The following ADGRL3 variants were observed in gnomAD, a reference collection of about 807,000 sequenced individuals.
ADGRL3 encodes the protein adhesion G protein-coupled receptor L3, also known as calcium-independent alpha-latrotoxin receptor 3.
Under a neutral mutation model 153.5 loss-of-function variants are expected in ADGRL3, and 62 were observed. The ratio of observed to expected loss-of-function variants is 0.40; its 90% CI spans 0.33 to 0.50. ADGRL3 has a LOEUF of 0.50. ADGRL3 is among the 20% of genes least tolerant of loss of function. The pLI is 0.47. For synonymous variants in ADGRL3, 710 were observed against 672.5 expected, an observed-to-expected ratio of 1.06 and a Z score of -0.86; for missense variants, 1,641 against 1,859.4, an observed-to-expected ratio of 0.88 and a Z score of 2.16.
intron 18 of ADGRL3, among the ~76,000 whole-genome samples, chr4:61,982,245 A>T (rs916727332): frequency 1.6e-4 from 25 of 152,356 alleles, no homozygotes; most frequent in African/African-American, 6.0e-4. Context: ...CTAACAAGTA[A>T]TATAAAGAAC....
intron 5 of ADGRL3, among the ~76,000 whole-genome samples, chr4:61,598,845 TTTGA>T (rs748148297): frequency 9.2e-5 from 14 of 152,182 alleles, no homozygotes; most frequent in Admixed American, 2.6e-4. Flanking sequence ...AAAATTTTCT[TTTGA>T]TTTTGTCAGG....
chr4:61,437,635 A>G (rs1048956372), intron 2 of ADGRL3, among the ~76,000 whole-genome samples: 2 of 152,192 alleles, frequency 1.3e-5, no homozygotes, highest in African/African-American at 4.8e-5. Context: ...TCTTCTTTAT[A>G]AAATATCATT....
intron 9 of ADGRL3, among the ~76,000 whole-genome samples, chr4:61,850,424 A>G (rs1032539421): frequency 6.6e-6 from 1 of 152,168 alleles, no homozygotes; most frequent in Non-Finnish European, 1.5e-5. Context: ...TTAGTAAACT[A>G]TAAAGAATAG....
chr4:61,693,655 G>A (rs1372764902), intron 6 of ADGRL3, among the ~76,000 whole-genome samples: 1 of 152,138 alleles, frequency 6.6e-6, no homozygotes, highest in Non-Finnish European at 1.5e-5. Flanking sequence ...TGATACTTTG[G>A]TCAGTCAATA....
At chr4:61,673,206 A>G (rs1461805227) in intron 5 of ADGRL3, among the ~76,000 whole-genome samples, 2 of 151,870 alleles carry the variant, frequency 1.3e-5, no homozygotes, top group Non-Finnish European at 2.9e-5. Context: ...GGAGATGTCG[A>G]TCAAAGGGGG....
intron 8 of ADGRL3, among the ~76,000 whole-genome samples, chr4:61,769,447 G>A (rs1436930238): frequency 6.6e-6 from 1 of 150,862 alleles, no homozygotes; most frequent in Non-Finnish European, 1.5e-5. Flanking sequence ...GAAGACCTGA[G>A]GTCGTAGGTG....
chr4:61,580,641 A>G (rs1021808352), intron 4 of ADGRL3, among the ~76,000 whole-genome samples: 2 of 152,024 alleles, frequency 1.3e-5, no homozygotes, highest in East Asian at 1.9e-4. Context: ...GGGGTTTCTC[A>G]TGGGGTTGCA....
intron 1 of ADGRL3, among the ~76,000 whole-genome samples, chr4:61,287,575 A>G (rs982222181): frequency 6.6e-6 from 1 of 152,114 alleles, no homozygotes; most frequent in African/African-American, 2.4e-5. Flanking sequence ...TTAATTCTGT[A>G]TGTAGCTTTC....
At chr4:61,818,719 G>T (rs184251631) in intron 9 of ADGRL3, among the ~76,000 whole-genome samples, 45 of 152,054 alleles carry the variant, frequency 3.0e-4, no homozygotes, top group African/African-American at 8.2e-4. Flanking sequence ...CCTTAAAATG[G>T]TTGTCCTGAT....
intron 8 of ADGRL3, among the ~76,000 whole-genome samples, chr4:61,749,981 G>C (rs1260882306): frequency 6.6e-6 from 1 of 152,056 alleles, no homozygotes; most frequent in Non-Finnish European, 1.5e-5. Context: ...TAAGTCAGAA[G>C]ATGAATGATT....
At chr4:61,491,696 A>C (rs2098259523) in intron 2 of ADGRL3, among the ~76,000 whole-genome samples, 1 of 152,126 alleles carries the variant, frequency 6.6e-6, no homozygotes, top group Admixed American at 6.6e-5. Flanking sequence ...TTGGGATTAC[A>C]GGCATGAGCC....
At chr4:61,753,175 G>A (rs548879803) in intron 8 of ADGRL3, among the ~76,000 whole-genome samples, 1 of 145,130 alleles carries the variant, frequency 6.9e-6, no homozygotes, top group African/African-American at 2.6e-5. Context: ...TCCCCTCCCC[G>A]AACTCCTCTA....
intron 18 of ADGRL3, 71 bp from the exon 19 acceptor site, chr4:61,983,312 T>A: frequency 8.7e-7 from 1 of 1,149,356 alleles, no homozygotes; most frequent in Non-Finnish European, 1.3e-6. Flanking sequence ...AATATTTAAT[T>A]TGGTTTTATG....
At chr4:62,068,462 T>A (rs928632119) in intron 26 of ADGRL3, among the ~76,000 whole-genome samples, 1 of 152,198 alleles carries the variant, frequency 6.6e-6, no homozygotes, top group Non-Finnish European at 1.5e-5. Context: ...TTTTGCTAAG[T>A]AATTCATAAA....
At chr4:61,868,336 G>A (rs978763024) in intron 9 of ADGRL3, among the ~76,000 whole-genome samples, 3 of 151,918 alleles carry the variant, frequency 2.0e-5, no homozygotes, top group African/African-American at 4.8e-5. Flanking sequence ...AAAATCAAGC[G>A]ATTTCTATCT....
At chr4:61,657,362 A>C (rs111717649) in intron 5 of ADGRL3, among the ~76,000 whole-genome samples, 4,091 of 152,228 alleles carry the variant, frequency 0.027, 188 homozygotes, top group African/African-American at 0.094. Flanking sequence ...AATTGCAGAC[A>C]TAGATACATA....
intron 4 of ADGRL3, among the ~76,000 whole-genome samples, chr4:61,532,537 CGCGCGCGCGCGCGCGCGCGT>C (rs1473615001): frequency 1.1e-5 from 1 of 90,322 alleles, no homozygotes; most frequent in African/African-American, 5.1e-5. Context: ...TGCATGCGCG[CGCGCGCGCGCGCGCGCGCGT>C]GTGTGTGTGT....
intron 25 of ADGRL3, among the ~76,000 whole-genome samples, chr4:62,045,418 G>A (rs1730586455): frequency 6.6e-6 from 1 of 151,882 alleles, no homozygotes; most frequent in African/African-American, 2.4e-5. Flanking sequence ...TGAATTTAAG[G>A]TATTTTTATG....
chr4:61,619,570 G>C (rs1215190696), intron 5 of ADGRL3, among the ~76,000 whole-genome samples: 1 of 151,832 alleles, frequency 6.6e-6, no homozygotes, highest in East Asian at 1.9e-4. Context: ...CCTCCTGTGT[G>C]TGTGTATTTA....
Sources: gnomAD v4.1 joint callset for allele counts (sites outside exome capture counted in the v4.1 genomes callset) on GRCh38, gnomAD v4.1.1 for gene constraint, MANE v1.5 for transcripts, NCBI Gene and HGNC (gene_info 2026-07-23, HGNC 2026-07-21) for gene names.